NHS: variants seen among roughly 807,000 people sequenced by gnomAD.
NHS encodes the protein actin remodeling regulator NHS.
A neutral mutation model predicts 72.5 loss-of-function variants in NHS; 5 were observed. That is an observed-to-expected ratio of 0.07 (90% CI 0.04 to 0.14). The LOEUF is 0.14. NHS is among the 10% of genes least tolerant of loss of function. The pLI is 1.00. For synonymous variants in NHS, 464 were observed against 547.7 expected, an observed-to-expected ratio of 0.85 and a Z score of 2.13; for missense variants, 1,072 against 1,355.7, an observed-to-expected ratio of 0.79 and a Z score of 3.29.
At position 17,719,210 on chromosome X, in the gene NHS, AGGAG is replaced by A. The variant is rs2066390652; in HGVS notation, c.853-130_853-127del. On this transcript the variant is annotated intron_variant, in intron 3 of 8. Coordinates refer to ENST00000676302, the MANE Select transcript of NHS (RefSeq NM_001291867.2). ...AAGGGAAAGAAGGAATGAAGGAGGAAGGAGGGAAGGAAGGAAGGAAGGAAGTTAT... is the reference window on the plus strand; with the variant it reads ...AAGGGAAAGAAGGAATGAAGGAGGAAGGAAGGAAGGAAGGAAGGAAGTTAT... 2.4e-5 allele frequency: 12 copies of A among 490,369 alleles called. No individual in the cohort carries two copies. In the Admixed American group the frequency reaches 3.1e-4, roughly 13 times the overall value. The allele number at this position is 490,369 out of a possible 1,213,427, so 40.4% of individuals were successfully genotyped here.
intron 1 of NHS, among the ~76,000 whole-genome samples, chrX:17,605,515 G>A (rs995935066): frequency 9.0e-6 from 1 of 111,131 alleles, no homozygotes; most frequent in Non-Finnish European, 1.9e-5. Context: ...TTCCCTGGTG[G>A]TGCCAATCTT....
At chrX:17,695,786 G>C (rs1356467500) in intron 3 of NHS, among the ~76,000 whole-genome samples, 1 of 111,035 alleles carries the variant, frequency 9.0e-6, no homozygotes, top group Non-Finnish European at 1.9e-5. Context: ...GAACTCACAG[G>C]AAACAGGACA....
At chrX:17,435,658 G>C (rs2064718564) in intron 1 of NHS, among the ~76,000 whole-genome samples, 1 of 113,221 alleles carries the variant, frequency 8.8e-6, no homozygotes, top group African/African-American at 3.2e-5. Flanking sequence ...CCCTGCTCCA[G>C]AGTTGCTGTT....
chrX:17,496,053 G>T (rs1315108848), intron 1 of NHS, among the ~76,000 whole-genome samples: 1 of 111,000 alleles, frequency 9.0e-6, no homozygotes, highest in Non-Finnish European at 1.9e-5. Flanking sequence ...AGAGGGAAGG[G>T]AGGAAATACC....
At chrX:17,481,114 T>G (rs1310166792) in intron 1 of NHS, among the ~76,000 whole-genome samples, 1 of 111,996 alleles carries the variant, frequency 8.9e-6, no homozygotes, top group Non-Finnish European at 1.9e-5. Context: ...ATGAACGACC[T>G]TCTTGCTGGT....
rs2065997953 is a variant in NHS, at chrX:17,664,214, A to G, written c.566-23528A>G. ...TAATTTTGACAAAGTCCAATTATCAATGTTTTCTTTTATGACTAGCCTCTT... is the reference window on the plus strand; with the variant it reads ...TAATTTTGACAAAGTCCAATTATCAGTGTTTTCTTTTATGACTAGCCTCTT... On this transcript the variant is annotated intron_variant, in intron 1 of 8. Coordinates refer to ENST00000676302, the MANE Select transcript of NHS (RefSeq NM_001291867.2). Among the ~76,000 whole-genome samples, 4 of 111,323 alleles carry G rather than the reference A, an allele frequency of 3.6e-5. No homozygotes were observed. In the South Asian group the frequency reaches 1.5e-3, roughly 42 times the overall value.
At position 17,376,292 on chromosome X, in the gene NHS, A is replaced by C; in HGVS notation, c.535A>C (p.Ser179Arg). ...GCTCGGCGGCGTGCAGCGCGTCCTC[A>C]GCACGCTTGACCCTAAGCAGGAGGC... ...GKLGGVQRVLSTLDPKQEAVP... is the reference protein window; with the variant it reads ...GKLGGVQRVLRTLDPKQEAVP... Residue 179 changes from serine to arginine, a missense_variant, in exon 1 of 9, where the codon AGC (serine) becomes CGC (arginine). Coordinates refer to ENST00000676302, the MANE Select transcript of NHS (RefSeq NM_001291867.2). 1 of 1,156,501 alleles carries C rather than the reference A, an allele frequency of 8.6e-7. No individual in the cohort carries two copies. Among genetic ancestry groups the C allele is most frequent in the Non-Finnish European group, 1.1e-6 (1 of 873,194 alleles).
chrX:17,458,886 C>T (rs769327471), intron 1 of NHS, among the ~76,000 whole-genome samples: 1 of 112,284 alleles, frequency 8.9e-6, no homozygotes, highest in East Asian at 2.8e-4. Context: ...AGCAGTGCTA[C>T]TCTAAGTTTG....
At chrX:17,703,499 G>C (rs1394499989) in intron 3 of NHS, among the ~76,000 whole-genome samples, 1 of 112,010 alleles carries the variant, frequency 8.9e-6, no homozygotes, top group Admixed American at 9.4e-5. Context: ...TAGCAAAGAA[G>C]CTGCACTGGC....
chrX:17,411,923 C>T (rs748600720), intron 1 of NHS, among the ~76,000 whole-genome samples: 7 of 111,223 alleles, frequency 6.3e-5, no homozygotes, highest in Non-Finnish European at 1.3e-4. Context: ...AGATGTATTT[C>T]ACAATGGTAT....
chrX:17,564,969 A>ATTTTTTTTTTTTTTTT (rs201932159), intron 1 of NHS, among the ~76,000 whole-genome samples: 1 of 99,944 alleles, frequency 1.0e-5, no homozygotes, highest in South Asian at 4.0e-4. Flanking sequence ...GTACAGCCAC[A>ATTTTTTTTTTTTTTTT]TTTTTTTTTA....
chrX:17,644,454 C>G (rs756352868), intron 1 of NHS, among the ~76,000 whole-genome samples: 2 of 112,103 alleles, frequency 1.8e-5, no homozygotes, highest in South Asian at 3.8e-4. Context: ...AGTTTAGAAG[C>G]CTTAAGCATC....
At chrX:17,390,585 G>C (rs1336042872) in intron 1 of NHS, among the ~76,000 whole-genome samples, 1 of 111,654 alleles carries the variant, frequency 9.0e-6, no homozygotes, top group African/African-American at 3.3e-5. Context: ...CAATGTGGGG[G>C]AGAAGTGGGA....
intron 1 of NHS, among the ~76,000 whole-genome samples, chrX:17,583,601 G>A (rs2065556333): frequency 8.9e-6 from 1 of 112,221 alleles, no homozygotes; most frequent in African/African-American, 3.2e-5. Context: ...ACCTAGATTT[G>A]GACTGGCTGT....
intron 1 of NHS, among the ~76,000 whole-genome samples, chrX:17,394,790 CTGAG>C (rs771849917): frequency 4.2e-4 from 47 of 110,975 alleles, no homozygotes; most frequent in African/African-American, 1.2e-3. Flanking sequence ...TCTTAGATGA[CTGAG>C]TGTTATCAAC....
rs1416454915 is a variant in NHS at position 17,731,782 on chromosome X, A to C, written c.4350-76A>C. 5.3e-6 allele frequency: 6 copies of C among 1,129,624 alleles called. No individual in the cohort carries two copies. The African/African-American group carries it at 9.2e-5, about 17-fold the overall frequency. 93.1% of individuals were successfully genotyped at this position (1,129,624 alleles called of 1,213,427 possible). ...AAATGCACTTTAGACAGATGTGTGA[A>C]TGCGACTGAATACTTCAGTTTCATA... On this transcript the variant is annotated intron_variant, in intron 8 of 8. Coordinates refer to ENST00000676302, the MANE Select transcript of NHS (RefSeq NM_001291867.2).
intron 1 of NHS, among the ~76,000 whole-genome samples, chrX:17,455,144 G>A (rs2064820893): frequency 9.0e-6 from 1 of 111,682 alleles, no homozygotes; most frequent in East Asian, 2.8e-4. Context: ...TACTACTTTT[G>A]TCAGGGGCTG....
At chrX:17,659,883 G>A (rs1013549587) in intron 1 of NHS, among the ~76,000 whole-genome samples, 1 of 111,893 alleles carries the variant, frequency 8.9e-6, no homozygotes, top group Admixed American at 9.5e-5. Flanking sequence ...AAGGTTTTAC[G>A]GCAAACAAGT....
At chrX:17,430,314 TCC>T (rs1569252800) in intron 1 of NHS, among the ~76,000 whole-genome samples, 8 of 79,990 alleles carry the variant, frequency 1.0e-4, no homozygotes, top group African/African-American at 4.1e-4. Context: ...TTTCTTTCTT[TCC>T]TTTCTTTCTT....
Sources: allele counts gnomAD v4.1 joint callset (sites outside exome capture counted in the v4.1 genomes callset), GRCh38; gene constraint gnomAD v4.1.1; transcripts MANE v1.5; gene names NCBI Gene and HGNC (gene_info 2026-07-23, HGNC 2026-07-21).